PTPRD: variants seen among roughly 807,000 people sequenced by gnomAD.
PTPRD encodes protein tyrosine phosphatase receptor type D.
Under a neutral mutation model 214.5 loss-of-function variants are expected in PTPRD, and 34 were observed. The ratio of observed to expected loss-of-function variants is 0.16; its 90% CI spans 0.12 to 0.21. The LOEUF is 0.21. Among genes scored for constraint, PTPRD ranks in the 10% least tolerant of loss-of-function variants. The probability of loss-of-function intolerance (pLI) is 1.00; values close to 1 mark genes in which losing one functional copy is unlikely to be tolerated. For synonymous variants in PTPRD, 1,128 were observed against 845.7 expected (o/e 1.33, Z -5.79); for missense variants, 2,545 against 2,398.7 (o/e 1.06, Z -1.27).
At chr9:8,729,220 A>G (rs1347907577) in intron 12 of PTPRD, among the ~76,000 whole-genome samples, 1 of 152,166 alleles carries the variant, frequency 6.6e-6, no homozygotes, top group Non-Finnish European at 1.5e-5. Flanking sequence ...ACCCAAGCCA[A>G]ATTAATTTTA....
intron 3 of PTPRD, among the ~76,000 whole-genome samples, chr9:10,291,906 G>A (rs941691698): frequency 3.3e-5 from 5 of 151,994 alleles, no homozygotes; most frequent in South Asian, 2.1e-4. Context: ...TAAGTGCACC[G>A]GGGAATTATC....
chr9:10,392,782 A>C (rs1025825615), intron 2 of PTPRD, among the ~76,000 whole-genome samples: 1 of 151,894 alleles, frequency 6.6e-6, no homozygotes, highest in African/African-American at 2.4e-5. Flanking sequence ...ATTCGGATGG[A>C]AGGAAGAACA....
intron 5 of PTPRD, among the ~76,000 whole-genome samples, chr9:9,787,060 C>A (rs1309436611): frequency 6.6e-6 from 1 of 151,908 alleles, no homozygotes; most frequent in African/African-American, 2.4e-5. Context: ...TTGCTTGAAC[C>A]CGGGCAGCGG....
intron 12 of PTPRD, among the ~76,000 whole-genome samples, chr9:8,725,995 G>A (rs933849136): frequency 6.7e-6 from 1 of 150,270 alleles, no homozygotes; most frequent in Admixed American, 6.6e-5. Flanking sequence ...TTCACACAGA[G>A]CTTTCCACAT....
intron 3 of PTPRD, among the ~76,000 whole-genome samples, chr9:10,301,576 T>G (rs570238538): frequency 6.6e-6 from 1 of 152,022 alleles, no homozygotes; most frequent in East Asian, 1.9e-4. Context: ...AGAACATAAA[T>G]AAACTGATAG....
chr9:9,936,994 A>G (rs987020623), intron 5 of PTPRD, among the ~76,000 whole-genome samples: 3 of 151,622 alleles, frequency 2.0e-5, no homozygotes, highest in South Asian at 2.1e-4. Context: ...CAAACCCCAC[A>G]TATTCTCACT....
At chr9:8,466,980 T>A (rs947334435) in intron 31 of PTPRD, among the ~76,000 whole-genome samples, 23 of 151,892 alleles carry the variant, frequency 1.5e-4, no homozygotes, top group African/African-American at 5.6e-4. Context: ...CATTAGGAAT[T>A]TGATCGTACG....
intron 11 of PTPRD, among the ~76,000 whole-genome samples, chr9:8,885,273 G>C (rs969103250): frequency 2.6e-5 from 4 of 152,040 alleles, no homozygotes; most frequent in Admixed American, 1.3e-4. Context: ...ATGAGGATTA[G>C]GGTGACCAAT....
chr9:9,403,290 C>CAAAAAAAAAAAAAAAAAA (rs56105335), intron 8 of PTPRD, among the ~76,000 whole-genome samples: 4 of 60,648 alleles, frequency 6.6e-5, no homozygotes, highest in South Asian at 8.8e-4. Context: ...TACTCTGTCT[C>CAAAAAAAAAAAAAAAAAA]AAAAAAAAAA....
At chr9:9,595,550 T>TTGTGTGTG (rs58995675) in intron 7 of PTPRD, among the ~76,000 whole-genome samples, 1 of 147,330 alleles carries the variant, frequency 6.8e-6, no homozygotes, top group African/African-American at 2.5e-5. Context: ...GTATGTGTGT[T>TTGTGTGTG]TGTGTGTGTG....
chr9:8,783,197 C>CA (rs1385712714), intron 11 of PTPRD, among the ~76,000 whole-genome samples: 11 of 151,858 alleles, frequency 7.2e-5, no homozygotes, highest in East Asian at 1.9e-4. Flanking sequence ...AAAGTCAGAA[C>CA]AAAAAAAGTT....
intron 7 of PTPRD, among the ~76,000 whole-genome samples, chr9:9,650,304 T>A (rs1276967187): frequency 1.3e-5 from 2 of 152,226 alleles, no homozygotes; most frequent in Non-Finnish European, 2.9e-5. Context: ...ATTTTCTTTA[T>A]AAATTACCCA....
Position 8,998,552 on chromosome 9 carries a change from G to A in PTPRD, c.-104+20145C>T, listed in dbSNP as rs529503028. On this transcript the variant is annotated intron_variant, in intron 11 of 45. Transcript: ENST00000381196. Reference sequence around the variant, plus strand: ...TTGACAAGCACCTAGTTACCCAAGAGCTCTGATGGAAATATGTAAGGAGAT... The same window carrying A: ...TTGACAAGCACCTAGTTACCCAAGAACTCTGATGGAAATATGTAAGGAGAT... Among the ~76,000 whole-genome samples, 19 of 152,084 alleles carry A rather than the reference G, an allele frequency of 1.2e-4. No homozygotes were observed. In the South Asian group the frequency reaches 3.7e-3, roughly 30 times the overall value.
chr9:9,683,624 A>C (rs895409469), intron 7 of PTPRD, among the ~76,000 whole-genome samples: 3 of 151,736 alleles, frequency 2.0e-5, no homozygotes, highest in Non-Finnish European at 4.4e-5. Flanking sequence ...CAGAATGTCA[A>C]CTCTGAAGTA....
chr9:8,324,572 T>G (rs991159339), intron 44 of PTPRD, among the ~76,000 whole-genome samples: 7 of 152,212 alleles, frequency 4.6e-5, no homozygotes, highest in Admixed American at 4.6e-4. Context: ...TGTGTGCATG[T>G]GTCTTTGTAG....
chr9:9,994,026 G>A (rs1427279053), intron 4 of PTPRD, among the ~76,000 whole-genome samples: 1 of 152,106 alleles, frequency 6.6e-6, no homozygotes, highest in Non-Finnish European at 1.5e-5. Context: ...AATTTTTTGA[G>A]TGGGGGACAA....
intron 8 of PTPRD, among the ~76,000 whole-genome samples, chr9:9,513,142 A>G (rs2096749728): frequency 1.3e-5 from 2 of 152,066 alleles, no homozygotes; most frequent in Middle Eastern, 3.4e-3. Context: ...TTTATTTCCT[A>G]TTAAACAGTA....
chr9:9,907,429 G>A (rs928935017), intron 5 of PTPRD, among the ~76,000 whole-genome samples: 1 of 151,848 alleles, frequency 6.6e-6, no homozygotes, highest in Non-Finnish European at 1.5e-5. Context: ...TGGTAGGTCT[G>A]GTTTCTCATG....
At chr9:9,265,890 A>G (rs1210682106) in intron 9 of PTPRD, among the ~76,000 whole-genome samples, 3 of 151,588 alleles carry the variant, frequency 2.0e-5, no homozygotes, top group Admixed American at 2.0e-4. Context: ...CCCATCAATA[A>G]TGACTTTAAA....
Sources: allele counts gnomAD v4.1 joint callset (sites outside exome capture counted in the v4.1 genomes callset), GRCh38; gene constraint gnomAD v4.1.1; transcripts MANE v1.5; gene names NCBI Gene and HGNC (gene_info 2026-07-23, HGNC 2026-07-21).